Variants in ZNF695 observed in about 807,000 individuals in gnomAD.
ZNF695 encodes zinc finger protein 695.
In ZNF695, 11 loss-of-function variants were observed where a neutral mutation model predicts 11.2. The observed-to-expected ratio is 0.98, with a 90% CI of 0.62 to 1.62. ZNF695 has a LOEUF of 1.62. Ranked by LOEUF, ZNF695 falls within the 40% of genes most tolerant of loss-of-function variation. ZNF695 has a pLI of 0.00. For synonymous variants in ZNF695, 190 were observed against 201.4 expected, an observed-to-expected ratio of 0.94 and a Z score of 0.48; for missense variants, 559 against 590.5, an observed-to-expected ratio of 0.95 and a Z score of 0.55.
intron 5 of ZNF695, among the ~76,000 whole-genome samples, chr1:246,952,282 T>C (rs1667887525): frequency 6.6e-6 from 1 of 152,220 alleles, no homozygotes; most frequent in Non-Finnish European, 1.5e-5. Context: ...GAGTGGAAGC[T>C]CTATGAAAAC....
intron 4 of ZNF695, among the ~76,000 whole-genome samples, chr1:246,977,271 G>T (rs1668591563): frequency 6.6e-6 from 1 of 152,226 alleles, no homozygotes; most frequent in South Asian, 2.1e-4. Flanking sequence ...TTTTGTTGTT[G>T]TTTTTGAGAC....
intron 1 of ZNF695, among the ~76,000 whole-genome samples, chr1:247,001,920 C>T (rs1669398316): frequency 6.6e-6 from 1 of 152,016 alleles, no homozygotes; most frequent in Non-Finnish European, 1.5e-5. Context: ...ATTCCACTGA[C>T]AGTATTAGAT....
At position 246,986,799 on chromosome 1, in the gene ZNF695, T is replaced by C; in HGVS notation, c.*168A>G. 1 of 1,386,172 alleles carries C rather than the reference T, an allele frequency of 7.2e-7. No homozygotes were observed. The highest frequency in any genetic ancestry group is 9.3e-7 in the Non-Finnish European group (1 of 1,075,766). The allele number at this position is 1,386,172 out of a possible 1,614,324, so 85.9% of individuals were successfully genotyped here. On this transcript the variant is annotated 3_prime_UTR_variant, in exon 4 of 4. Transcript: ENST00000339986. Reference sequence around the variant, plus strand: ...GAGGTGTTGAACCGGTCTATTTGTATTGTTCGTAGCCTAAACATTTTAGTG... The same window carrying C: ...GAGGTGTTGAACCGGTCTATTTGTACTGTTCGTAGCCTAAACATTTTAGTG...
intron 3 of ZNF695, among the ~76,000 whole-genome samples, chr1:246,991,325 A>G (rs1385958264): frequency 6.6e-6 from 1 of 152,178 alleles, no homozygotes; most frequent in Admixed American, 6.5e-5. Context: ...ATGCAATCAA[A>G]GTGAAGAGAC....
intron 5 of ZNF695, among the ~76,000 whole-genome samples, chr1:246,967,034 G>T (rs2103009408): frequency 6.6e-6 from 1 of 152,286 alleles, no homozygotes; most frequent in East Asian, 1.9e-4. Flanking sequence ...CGCCTCCCAG[G>T]TTCAAGGAAT....
intron 3 of ZNF695, among the ~76,000 whole-genome samples, chr1:246,997,987 G>A (rs2103030234): frequency 6.6e-6 from 1 of 152,320 alleles, no homozygotes; most frequent in African/African-American, 2.4e-5. Flanking sequence ...CATGAGTACA[G>A]TTAATAATAT....
downstream of ZNF695, among the ~76,000 whole-genome samples, chr1:246,984,706 T>C (rs1241293065): frequency 6.6e-6 from 1 of 152,212 alleles, no homozygotes; most frequent in South Asian, 2.1e-4. Flanking sequence ...CAAAAAAAGT[T>C]GGCTCGAATA....
intron 3 of ZNF695, among the ~76,000 whole-genome samples, chr1:246,998,495 T>C (rs1326234421): frequency 6.6e-6 from 1 of 152,192 alleles, no homozygotes; most frequent in Admixed American, 6.5e-5. Context: ...TTTAGGGAGA[T>C]GCTTAGTCTT....
intron 5 of ZNF695, among the ~76,000 whole-genome samples, chr1:246,949,983 AAG>A (rs1667833261): frequency 6.6e-6 from 1 of 152,268 alleles, no homozygotes; most frequent in African/African-American, 2.4e-5. Context: ...TATGCCACAG[AAG>A]AGATATTTGT....
intron 5 of ZNF695, chr1:246,967,339 G>A (rs574491543): frequency 7.7e-5 from 35 of 456,270 alleles, no homozygotes; most frequent in Admixed American, 5.2e-4. Context: ...TTAGAAGACT[G>A]TTGCAAAACC....
intron 1 of ZNF695, among the ~76,000 whole-genome samples, chr1:247,006,383 C>T (rs1403119563): frequency 6.6e-6 from 1 of 152,068 alleles, no homozygotes; most frequent in Non-Finnish European, 1.5e-5. Flanking sequence ...GAGGCTGAGG[C>T]GGGCGGATCA....
At chr1:246,965,748 A>C (rs1483051301) in intron 5 of ZNF695, among the ~76,000 whole-genome samples, 1 of 151,962 alleles carries the variant, frequency 6.6e-6, no homozygotes, top group Non-Finnish European at 1.5e-5. Context: ...GTGACAGTGC[A>C]AAAAACGAAG....
intron 1 of ZNF695, among the ~76,000 whole-genome samples, chr1:247,000,847 C>T (rs989577871): frequency 6.6e-6 from 1 of 152,188 alleles, no homozygotes; most frequent in African/African-American, 2.4e-5. Flanking sequence ...AGCAACCACA[C>T]AAACAAGTCT....
chr1:246,988,009 G>A lies in ZNF695; in HGVS notation c.506C>T (p.Ala169Val). 2 of 1,595,594 alleles carry A rather than the reference G, an allele frequency of 1.3e-6. No homozygotes were observed. The highest frequency in any genetic ancestry group is 1.7e-6 in the Non-Finnish European group (2 of 1,173,812). The change falls in exon 4 of 4, where the codon GCA becomes GTA. Residue 169 changes from alanine (A) to valine (V), a missense_variant. Ala to Val is a moderately conservative substitution (Grantham distance 64, BLOSUM62 0). Transcript: ENST00000339986. The stretch of plus-strand genomic sequence containing the variant: ...GCTTATCTTACATTTATTTAGATTT[G>A]CAAATTTACTAAAACCTTTCACACA... Reference protein sequence around the residue: ...NKCVKGFSKFANLNKCKISHT... With the variant: ...NKCVKGFSKFVNLNKCKISHT...
downstream of ZNF695, chr1:246,945,674 C>T: frequency 1.1e-6 from 1 of 941,660 alleles, no homozygotes. Context: ...GAAATAGATT[C>T]TGTGGGAGGC....
At chr1:246,952,018 G>C (rs913464854) in intron 5 of ZNF695, among the ~76,000 whole-genome samples, 2 of 152,088 alleles carry the variant, frequency 1.3e-5, no homozygotes, top group African/African-American at 4.8e-5. Flanking sequence ...GTGTGATCTT[G>C]GCTCATGGCA....
rs1668597880 is a variant in ZNF695 at position 246,977,427 on chromosome 1, T to C, written c.391-9635A>G. Among the ~76,000 whole-genome samples, 3 of 152,230 alleles carry C rather than the reference T, an allele frequency of 2.0e-5. No homozygotes were observed. The South Asian group carries it at 6.2e-4, about 31-fold the overall frequency. Reference sequence around the variant, plus strand: ...GCCCGCCACCATACCTGGCTAATTTTTGTTGTTTTTAGTAGAGGCGGGGTT... The same window carrying C: ...GCCCGCCACCATACCTGGCTAATTTCTGTTGTTTTTAGTAGAGGCGGGGTT... On this transcript the variant is annotated intron_variant, in intron 4 of 5. Coordinates refer to the ZNF695 transcript ENST00000487338.
At chr1:246,950,915 A>T (rs909763627) in intron 5 of ZNF695, among the ~76,000 whole-genome samples, 3 of 152,106 alleles carry the variant, frequency 2.0e-5, no homozygotes, top group African/African-American at 7.2e-5. Flanking sequence ...GACCACTCCA[A>T]ATTGAAAAAT....
At chr1:246,947,188 A>T (rs55684653) in intron 5 of ZNF695, among the ~76,000 whole-genome samples, 22,939 of 112,322 alleles carry the variant, frequency 0.2, 2,381 homozygotes, top group East Asian at 0.28. Flanking sequence ...AGGGTTTTTT[A>T]TTTTTTTTGG....
Sources: allele counts gnomAD v4.1 joint callset (sites outside exome capture counted in the v4.1 genomes callset), GRCh38; gene constraint gnomAD v4.1.1; transcripts MANE v1.5; gene names NCBI Gene and HGNC (gene_info 2026-07-23, HGNC 2026-07-21).